Variants in PDLIM5 observed in about 807,000 individuals in gnomAD.
PDLIM5 encodes the protein PDZ and LIM domain 5, also known as PDZ and LIM domain protein 5.
In PDLIM5, 34 loss-of-function variants were observed where a neutral mutation model predicts 64.2. The observed-to-expected ratio is 0.53, with a 90% confidence interval of 0.40 to 0.71. The LOEUF is 0.71. Ranked by LOEUF, PDLIM5 falls within the 30% of genes least tolerant of loss-of-function variation. The pLI is 0.00. For missense variants in PDLIM5, 683 were observed against 733.6 expected (o/e 0.93, Z 0.80); for synonymous variants, 253 against 269.1 (o/e 0.94, Z 0.59).
At chr4:94,552,284 A>C (rs1732877864) in intron 3 of PDLIM5, among the ~76,000 whole-genome samples, 1 of 152,088 alleles carries the variant, frequency 6.6e-6, no homozygotes, top group Admixed American at 6.5e-5. Flanking sequence ...TGTAATATAT[A>C]CTCTAGTATA....
chr4:94,470,323 C>T (rs113406205), intron 2 of PDLIM5, among the ~76,000 whole-genome samples: 60 of 152,136 alleles, frequency 3.9e-4, no homozygotes, highest in Non-Finnish European at 3.2e-4. Flanking sequence ...TTCTGTTTTC[C>T]TTTCCTTGTG....
At chr4:94,563,296 T>C (rs1287462045) in intron 3 of PDLIM5, among the ~76,000 whole-genome samples, 1 of 152,212 alleles carries the variant, frequency 6.6e-6, no homozygotes, top group Non-Finnish European at 1.5e-5. Flanking sequence ...AATTAAAGGC[T>C]CATCTTGAAG....
chr4:94,565,548 G>C (rs2110254340), intron 3 of PDLIM5, among the ~76,000 whole-genome samples: 1 of 152,284 alleles, frequency 6.6e-6, no homozygotes, highest in South Asian at 2.1e-4. Flanking sequence ...CCCACAAGAA[G>C]ATTATGTGAT....
intron 2 of PDLIM5, among the ~76,000 whole-genome samples, chr4:94,519,227 C>T (rs763900113): frequency 3.9e-5 from 6 of 152,166 alleles, no homozygotes; most frequent in Admixed American, 1.3e-4. Flanking sequence ...CAGTTTGAAA[C>T]GCTGTCTTCT....
At chr4:94,592,569 T>G (rs1463163857) in intron 7 of PDLIM5, among the ~76,000 whole-genome samples, 2 of 152,186 alleles carry the variant, frequency 1.3e-5, no homozygotes, top group Non-Finnish European at 2.9e-5. Flanking sequence ...ATATGCCAAT[T>G]GTGTGCTACT....
chr4:94,642,657 A>G (rs1445834288), intron 9 of PDLIM5, among the ~76,000 whole-genome samples: 3 of 152,224 alleles, frequency 2.0e-5, no homozygotes, highest in Admixed American at 6.5e-5. Flanking sequence ...AACAGTAATT[A>G]ACATAGCACA....
intron 3 of PDLIM5, among the ~76,000 whole-genome samples, chr4:94,558,007 A>G (rs1013854925): frequency 6.6e-6 from 1 of 152,162 alleles, no homozygotes; most frequent in African/African-American, 2.4e-5. Flanking sequence ...GAATGCTTCC[A>G]GTTTTTGCCC....
intron 2 of PDLIM5, among the ~76,000 whole-genome samples, chr4:94,507,637 G>A (rs1728502836): frequency 6.6e-6 from 1 of 152,110 alleles, no homozygotes; most frequent in Non-Finnish European, 1.5e-5. Flanking sequence ...ATCAACAGTT[G>A]GTAGTACTGA....
intron 2 of PDLIM5, among the ~76,000 whole-genome samples, chr4:94,493,489 T>A (rs2452557): frequency 0.19 from 28,382 of 152,090 alleles, 3,175 homozygotes; most frequent in Non-Finnish European, 0.25. Flanking sequence ...TTTTTAAAAA[T>A]TTTTTTGGTA....
chr4:94,551,256 A>AT (rs1204303310), intron 3 of PDLIM5, among the ~76,000 whole-genome samples: 1 of 152,108 alleles, frequency 6.6e-6, no homozygotes, highest in Non-Finnish European at 1.5e-5. Flanking sequence ...TATTTAACAA[A>AT]TTTAGCTTAT....
rs898121823 is a variant in PDLIM5, at chr4:94,667,538, T to C, written c.*3471T>C. 3 of 152,148 alleles carry C rather than the reference T, an allele frequency of 2.0e-5. No individual in the cohort carries two copies. Among genetic ancestry groups the C allele is most frequent in the African/African-American group, 7.2e-5 (3 of 41,448 alleles). The allele number at this position is 152,148 out of a possible 1,614,324, so 9.4% of individuals were successfully genotyped here. A position where few individuals can be genotyped will look rare whatever the true frequency, so the allele number is the denominator to read the frequency against. ...AGGATGTGCATAGGTTATATGCAAA[T>C]ACTACACCATTTTCTATAAGGGACT... On this transcript the variant is annotated 3_prime_UTR_variant, in exon 13 of 13. Coordinates refer to ENST00000317968, the MANE Select transcript of PDLIM5 (RefSeq NM_006457.5).
chr4:94,563,916 G>T (rs1193337369), intron 3 of PDLIM5, among the ~76,000 whole-genome samples: 1 of 148,002 alleles, frequency 6.8e-6, no homozygotes, highest in Admixed American at 6.7e-5. Flanking sequence ...CCAAAATGAA[G>T]TACTGCATTT....
chr4:94,527,710 G>A (rs1298067212), intron 3 of PDLIM5, among the ~76,000 whole-genome samples: 1 of 152,194 alleles, frequency 6.6e-6, no homozygotes, highest in Non-Finnish European at 1.5e-5. Context: ...AGGAAACTTG[G>A]GAACAAAATT....
chr4:94,549,411 C>T (rs959301762), intron 3 of PDLIM5, among the ~76,000 whole-genome samples: 25 of 152,140 alleles, frequency 1.6e-4, no homozygotes, highest in African/African-American at 5.6e-4. Flanking sequence ...TGGTTATACC[C>T]TCTGACCTAT....
At chr4:94,587,008 G>A (rs375154089) in intron 7 of PDLIM5, 49 of 1,542,700 alleles carry the variant, frequency 3.2e-5, no homozygotes, top group East Asian at 9.4e-5. Context: ...ACCCCTTCAC[G>A]TCTTTAGTCC....
intron 5 of PDLIM5, among the ~76,000 whole-genome samples, chr4:94,578,968 C>A (rs908339966): frequency 3.3e-5 from 5 of 151,896 alleles, no homozygotes; most frequent in Admixed American, 6.6e-5. Flanking sequence ...GATAGCTATT[C>A]CACGCAAATT....
chr4:94,536,395 G>C (rs970815381), intron 3 of PDLIM5, among the ~76,000 whole-genome samples: 5 of 152,162 alleles, frequency 3.3e-5, no homozygotes, highest in Non-Finnish European at 5.9e-5. Context: ...AATAAAAATA[G>C]CTTAATTTCA....
At chr4:94,571,879 G>T (rs1183581199) in intron 3 of PDLIM5, among the ~76,000 whole-genome samples, 1 of 152,154 alleles carries the variant, frequency 6.6e-6, no homozygotes, top group African/African-American at 2.4e-5. Context: ...AAGAGAAGTT[G>T]TCTATTAAAT....
intron 3 of PDLIM5, among the ~76,000 whole-genome samples, chr4:94,558,747 A>C (rs1434549514): frequency 1.3e-5 from 2 of 151,432 alleles, no homozygotes; most frequent in Admixed American, 6.6e-5. Flanking sequence ...TTTTTATTCT[A>C]GCTGAAATAA....
Sources: allele counts gnomAD v4.1 joint callset (sites outside exome capture counted in the v4.1 genomes callset), GRCh38; gene constraint gnomAD v4.1.1; transcripts MANE v1.5; gene names NCBI Gene and HGNC (gene_info 2026-07-23, HGNC 2026-07-21).